The following GEMIN8 variants were observed in gnomAD, a reference collection of about 807,000 sequenced individuals.
The protein encoded by GEMIN8 is gem nuclear organelle associated protein 8, also known as gem-associated protein 8.
For synonymous variants in GEMIN8, 80 were observed against 78.5 expected, an observed-to-expected ratio of 1.02 and a Z score of -0.10; for missense variants, 185 against 205.9, an observed-to-expected ratio of 0.90 and a Z score of 0.62.
chrX:14,019,540 G>A (rs1436931437), intron 4 of GEMIN8, among the ~76,000 whole-genome samples: 3 of 111,703 alleles, frequency 2.7e-5, no homozygotes, highest in African/African-American at 9.8e-5. Flanking sequence ...ACATCTCCAA[G>A]ATGTGTCCCA....
Position 14,009,133 on chromosome X carries a change from C to G in GEMIN8, c.509G>C (p.Ser170Thr). 1.7e-6 allele frequency: 2 copies of G among 1,211,427 alleles called. No homozygotes were observed. The highest frequency in any genetic ancestry group is 2.2e-6 in the Non-Finnish European group (2 of 894,836). ...QQQLDAERLD[S>T]YVNADHDLYC... ...CAGGTCGTGGTCAGCGTTCACATAG[C>G]TGTCCAGGCGCTCTGCATCCAGCTG... Residue 170 changes from serine to threonine, a missense_variant, in exon 5 of 5, where the codon AGC becomes ACC. By Grantham distance (58) the Ser-to-Thr change is moderately conservative. Coordinates refer to ENST00000680255, the MANE Select transcript of GEMIN8 (RefSeq NM_001042479.2).
chrX:14,017,768 C>G (rs929685165), intron 4 of GEMIN8, among the ~76,000 whole-genome samples: 3 of 112,015 alleles, frequency 2.7e-5, no homozygotes, highest in Non-Finnish European at 5.6e-5. Context: ...TTTATAAGGA[C>G]CTGAGTCACA....
intron 1 of GEMIN8, 52 bp from the exon 2 acceptor site, chrX:14,026,273 A>G (rs1026501961): frequency 1.3e-6 from 1 of 751,214 alleles, no homozygotes; most frequent in Admixed American, 8.8e-5. Flanking sequence ...CCGCAGCTCT[A>G]CAAACCCGGC....
intron 2 of GEMIN8, among the ~76,000 whole-genome samples, chrX:14,025,110 T>C (rs919381874): frequency 1.8e-5 from 2 of 112,200 alleles, no homozygotes; most frequent in Admixed American, 1.9e-4. Flanking sequence ...TTTGAATAAT[T>C]GACTTGAAGA....
chrX:14,023,234 A>G (rs1188398281), intron 2 of GEMIN8, among the ~76,000 whole-genome samples: 1 of 112,526 alleles, frequency 8.9e-6, no homozygotes, highest in Non-Finnish European at 1.9e-5. Flanking sequence ...GGGCCACTGA[A>G]GAAATATAAA....
the GEMIN8 span, among the ~76,000 whole-genome samples, chrX:13,988,171 C>T: frequency 1.8e-5 from 2 of 110,953 alleles, no homozygotes; most frequent in East Asian, 5.7e-4. Flanking sequence ...CTGTCCTCTC[C>T]TTACCCTAGA....
At chrX:14,020,690 G>A (rs964716145) in intron 3 of GEMIN8, 156 bp from the exon 4 acceptor site, 1 of 443,206 alleles carries the variant, frequency 2.3e-6, no homozygotes. Context: ...AATATTGTGT[G>A]AGATAGGTCC....
chrX:14,019,469 G>A (rs776217006), intron 4 of GEMIN8, among the ~76,000 whole-genome samples: 2 of 112,073 alleles, frequency 1.8e-5, no homozygotes, highest in African/African-American at 6.5e-5. Flanking sequence ...GTAAGTGCCA[G>A]GCATTTCGTT....
Position 14,008,922 on chromosome X carries a change from C to T in GEMIN8, c.720G>A (p.Leu240=), listed in dbSNP as rs1196127817. 1 of 1,210,812 alleles carries T rather than the reference C, an allele frequency of 8.3e-7. No homozygotes were observed. The highest frequency in any genetic ancestry group is 1.1e-6 in the Non-Finnish European group (1 of 894,638). Residue 240 remains leucine (L), a synonymous_variant, in exon 5 of 5, where the codon CTG becomes CTA. Transcript: ENST00000680255. ...ACCCTGTGCCCTGAGCTCAGAACTTCAGGGGGATGACCGGCCAGTACTTGG... is the reference window on the plus strand; with the variant it reads ...ACCCTGTGCCCTGAGCTCAGAACTTTAGGGGGATGACCGGCCAGTACTTGG... ...KQPKYWPVIP[L]KF
downstream of GEMIN8, among the ~76,000 whole-genome samples, chrX:14,003,161 C>G (rs1271398770): frequency 8.9e-6 from 1 of 112,631 alleles, no homozygotes; most frequent in Non-Finnish European, 1.9e-5. Flanking sequence ...CACACGTTCT[C>G]AAGCCCAGCA....
At chrX:14,011,883 T>C (rs896136195) in intron 4 of GEMIN8, among the ~76,000 whole-genome samples, 1 of 111,137 alleles carries the variant, frequency 9.0e-6, no homozygotes, top group African/African-American at 3.3e-5. Context: ...GTAACAATTA[T>C]ATATAGAGAG....
At chrX:14,012,130 A>C (rs1350270079) in intron 4 of GEMIN8, among the ~76,000 whole-genome samples, 1 of 106,647 alleles carries the variant, frequency 9.4e-6, no homozygotes, top group Non-Finnish European at 2.0e-5. Context: ...CTTCCTCATG[A>C]ATTTTTTTTT....
At chrX:14,001,395 C>T in the GEMIN8 span, among the ~76,000 whole-genome samples, 1 of 112,445 alleles carries the variant, frequency 8.9e-6, no homozygotes, top group East Asian at 2.8e-4. Context: ...AACACTCGGT[C>T]CATACTCAAA....
downstream of GEMIN8, among the ~76,000 whole-genome samples, chrX:14,003,681 A>G (rs925569251): frequency 8.9e-6 from 1 of 112,284 alleles, no homozygotes; most frequent in African/African-American, 3.2e-5. Flanking sequence ...TTTACTTTTC[A>G]AAAGTACAAA....
chrX:14,001,302 C>G, the GEMIN8 span, among the ~76,000 whole-genome samples: 1 of 112,056 alleles, frequency 8.9e-6, no homozygotes, highest in East Asian at 2.8e-4. Context: ...CAGATAAAAA[C>G]TAAACGAACA....
At chrX:13,992,134 C>T in the GEMIN8 span, among the ~76,000 whole-genome samples, 1 of 112,045 alleles carries the variant, frequency 8.9e-6, no homozygotes, top group Admixed American at 9.5e-5. Flanking sequence ...TTAATCTCTA[C>T]CAATAAACAA....
chrX:13,987,693 C>A, the GEMIN8 span, among the ~76,000 whole-genome samples: 375 of 112,248 alleles, frequency 3.3e-3, 1 homozygote, highest in Non-Finnish European at 5.1e-3. Flanking sequence ...AACACCCTGG[C>A]ACACTCATGC....
downstream of GEMIN8, among the ~76,000 whole-genome samples, chrX:14,006,468 C>A (rs1180216308): frequency 1.8e-5 from 2 of 111,171 alleles, no homozygotes; most frequent in African/African-American, 6.6e-5. Context: ...GAAAAAAAAT[C>A]CTGAGGGAAG....
chrX:14,023,962 T>A (rs1924529430), intron 2 of GEMIN8, among the ~76,000 whole-genome samples: 1 of 112,349 alleles, frequency 8.9e-6, no homozygotes, highest in Non-Finnish European at 1.9e-5. Flanking sequence ...AAATATGGAA[T>A]AAACACCATT....
Sources: gnomAD v4.1 joint callset for allele counts (sites outside exome capture counted in the v4.1 genomes callset) on GRCh38, gnomAD v4.1.1 for gene constraint, MANE v1.5 for transcripts, NCBI Gene and HGNC (gene_info 2026-07-23, HGNC 2026-07-21) for gene names.